The following ITGA9 variants were observed in gnomAD, a reference collection of about 807,000 sequenced individuals.
ITGA9 encodes the protein integrin subunit alpha 9.
Under a neutral mutation model 127.8 loss-of-function variants are expected in ITGA9, and 56 were observed. That is an observed-to-expected ratio of 0.44 (90% CI 0.35 to 0.55). ITGA9 has a LOEUF of 0.55. ITGA9 is among the 20% of genes least tolerant of loss of function. The pLI, the probability that ITGA9 is intolerant of heterozygous loss-of-function variation, is 0.00. For missense variants in ITGA9, 1,196 were observed against 1,347.1 expected (o/e 0.89, Z 1.76); for synonymous variants, 508 against 514.5 (o/e 0.99, Z 0.17).
At chr3:37,484,145 A>C (rs557149931) in intron 4 of ITGA9, among the ~76,000 whole-genome samples, 1 of 152,122 alleles carries the variant, frequency 6.6e-6, no homozygotes, top group East Asian at 1.9e-4. Flanking sequence ...GCGCACACAC[A>C]CTTTTATATG....
At chr3:37,685,395 C>T (rs1229788207) in intron 18 of ITGA9, among the ~76,000 whole-genome samples, 7 of 152,184 alleles carry the variant, frequency 4.6e-5, no homozygotes. Flanking sequence ...TCAAGGACTG[C>T]AGGAGGGGTG....
Position 37,806,872 on chromosome 3 carries a change from C to A in ITGA9, c.3009+2930C>A, listed in dbSNP as rs532974257. 9.2e-5 allele frequency: 14 copies of A among 152,386 alleles called. No homozygotes were observed. The South Asian group carries it at 2.9e-3, about 32-fold the overall frequency. The allele number at this position is 152,386 out of a possible 1,614,324, so 9.4% of individuals were successfully genotyped here. A position where few individuals can be genotyped will look rare whatever the true frequency, so the allele number is the denominator to read the frequency against. The stretch of plus-strand genomic sequence containing the variant: ...CTCATTTCGGCTCACATTTCTCGAA[C>A]GCTTACTTTGCCCCAGTCCTTGCTT... On this transcript the variant is annotated intron_variant, in intron 27 of 27. Transcript: ENST00000264741. This position sits in a 1 kb window ranked among gnomAD's most constrained non-coding sequence, Gnocchi z 4.3.
chr3:37,618,555 C>A (rs151161132), intron 15 of ITGA9, among the ~76,000 whole-genome samples: 9 of 152,248 alleles, frequency 5.9e-5, no homozygotes, highest in African/African-American at 2.2e-4. Context: ...CCCCTACCCC[C>A]AGAGGTGGAG....
At chr3:37,467,166 G>A (rs1698382133) in intron 1 of ITGA9, among the ~76,000 whole-genome samples, 1 of 152,170 alleles carries the variant, frequency 6.6e-6, no homozygotes, top group African/African-American at 2.4e-5. Flanking sequence ...ATAGATACAA[G>A]CACATTCCCG....
intron 18 of ITGA9, among the ~76,000 whole-genome samples, chr3:37,704,439 G>T (rs1700981339): frequency 6.6e-6 from 1 of 152,146 alleles, no homozygotes. Context: ...GAGCACCTAT[G>T]AGAGCTTTGC....
chr3:37,538,511 A>G (rs1699234149), intron 14 of ITGA9, among the ~76,000 whole-genome samples: 1 of 152,170 alleles, frequency 6.6e-6, no homozygotes, highest in South Asian at 2.1e-4. Flanking sequence ...AATCAGAACT[A>G]GCAGCCTCCC....
intron 15 of ITGA9, among the ~76,000 whole-genome samples, chr3:37,622,916 A>G (rs1437484515): frequency 2.6e-5 from 4 of 152,102 alleles, no homozygotes; most frequent in Admixed American, 2.6e-4. Context: ...GGTATATTTT[A>G]TAATTATAAA....
chr3:37,619,712 G>A (rs532153980), intron 15 of ITGA9, among the ~76,000 whole-genome samples: 1 of 152,334 alleles, frequency 6.6e-6, no homozygotes, highest in African/African-American at 2.4e-5. Flanking sequence ...TCACAAGGCC[G>A]TACTCAAGGT....
chr3:37,665,790 T>C (rs1193163750), intron 17 of ITGA9, among the ~76,000 whole-genome samples: 1 of 152,152 alleles, frequency 6.6e-6, no homozygotes, highest in East Asian at 1.9e-4. Flanking sequence ...AGCAGATGCC[T>C]CTCCTCACAT....
intron 15 of ITGA9, among the ~76,000 whole-genome samples, chr3:37,602,557 T>A (rs1330166794): frequency 2.0e-5 from 3 of 152,210 alleles, no homozygotes; most frequent in Admixed American, 1.3e-4. Context: ...ATTTGAATTT[T>A]TTTATTTATT....
chr3:37,574,856 G>C (rs1301980317), intron 15 of ITGA9, among the ~76,000 whole-genome samples: 1 of 152,136 alleles, frequency 6.6e-6, no homozygotes, highest in Non-Finnish European at 1.5e-5. Context: ...ATCGGGATTG[G>C]GGCTCCAGCA....
chr3:37,738,182 C>T (rs1297930557), intron 20 of ITGA9, among the ~76,000 whole-genome samples: 1 of 152,214 alleles, frequency 6.6e-6, no homozygotes, highest in African/African-American at 2.4e-5. Flanking sequence ...TCACATAAAA[C>T]ATGACTGTGA....
intron 18 of ITGA9, among the ~76,000 whole-genome samples, chr3:37,691,185 T>C (rs1700828645): frequency 6.6e-6 from 1 of 152,172 alleles, no homozygotes; most frequent in Non-Finnish European, 1.5e-5. Flanking sequence ...GTGCAAGTAA[T>C]GTGGTCAGGG....
intron 15 of ITGA9, among the ~76,000 whole-genome samples, chr3:37,616,301 C>T (rs913014637): frequency 6.6e-6 from 1 of 152,156 alleles, no homozygotes; most frequent in African/African-American, 2.4e-5. Flanking sequence ...ATCCTGAGTT[C>T]TAGTTTGATT....
chr3:37,531,372 A>C (rs978748099), intron 13 of ITGA9, among the ~76,000 whole-genome samples: 1 of 152,174 alleles, frequency 6.6e-6, no homozygotes, highest in Non-Finnish European at 1.5e-5. Flanking sequence ...TTGAAACAAA[A>C]AGGTTGAAGG....
chr3:37,673,588 T>C (rs1700657051), intron 17 of ITGA9, among the ~76,000 whole-genome samples: 1 of 152,184 alleles, frequency 6.6e-6, no homozygotes, highest in Non-Finnish European at 1.5e-5. Flanking sequence ...TCCCTCCAAC[T>C]CTAAGGGTGT....
At chr3:37,627,523 T>G (rs1700188235) in intron 15 of ITGA9, among the ~76,000 whole-genome samples, 2 of 152,228 alleles carry the variant, frequency 1.3e-5, no homozygotes, top group African/African-American at 4.8e-5. Context: ...TACCACCGCT[T>G]ACTTGGAGGC....
intron 18 of ITGA9, among the ~76,000 whole-genome samples, chr3:37,730,207 G>C (rs1295096395): frequency 6.6e-6 from 1 of 152,168 alleles, no homozygotes; most frequent in Non-Finnish European, 1.5e-5. Context: ...GGACACTCTT[G>C]AGACTAATTA....
At chr3:37,551,777 C>T (rs569876466) in intron 15 of ITGA9, among the ~76,000 whole-genome samples, 5 of 152,202 alleles carry the variant, frequency 3.3e-5, no homozygotes, top group African/African-American at 4.8e-5. Context: ...CCCCACCTCC[C>T]GGACATACAG....
Sources: gnomAD v4.1 joint callset for allele counts (sites outside exome capture counted in the v4.1 genomes callset) on GRCh38, gnomAD v4.1.1 for gene constraint, Gnocchi (gnomAD v3.1) non-coding constraint, MANE v1.5 for transcripts, NCBI Gene and HGNC (gene_info 2026-07-23, HGNC 2026-07-21) for gene names.